PACSIN2: variants seen among roughly 807,000 people sequenced by gnomAD.
PACSIN2 encodes the protein protein kinase C and casein kinase substrate in neurons protein 2.
Under a neutral mutation model 63.8 loss-of-function variants are expected in PACSIN2, and 25 were observed. The observed-to-expected ratio is 0.39, with a 90% CI of 0.29 to 0.55. PACSIN2 has a LOEUF of 0.55. Ranked by LOEUF, PACSIN2 falls within the 20% of genes least tolerant of loss-of-function variation. The pLI is 0.62. For synonymous variants in PACSIN2, 255 were observed against 256.2 expected (o/e 1.00, Z 0.05); for missense variants, 518 against 646.9 (o/e 0.80, Z 2.16).
At chr22:42,918,935 T>C (rs1931984048) in intron 1 of PACSIN2, among the ~76,000 whole-genome samples, 1 of 152,316 alleles carries the variant, frequency 6.6e-6, no homozygotes, top group Non-Finnish European at 1.5e-5. Flanking sequence ...GAGAGGCTTC[T>C]GAGAGCGATT....
chr22:43,008,064 C>A (rs1411555009), intron 1 of PACSIN2, among the ~76,000 whole-genome samples: 1 of 152,396 alleles, frequency 6.6e-6, no homozygotes, highest in East Asian at 1.9e-4. Context: ...GGATTCTCCA[C>A]ACACACTCCA....
chr22:43,004,771 C>T (rs761695647), intron 1 of PACSIN2, among the ~76,000 whole-genome samples: 1 of 152,224 alleles, frequency 6.6e-6, no homozygotes, highest in Non-Finnish European at 1.5e-5. Context: ...TAAAGACCAC[C>T]CTGCAGGTCC....
chr22:42,897,034 T>C (rs925100382), intron 2 of PACSIN2, among the ~76,000 whole-genome samples: 4 of 152,128 alleles, frequency 2.6e-5, no homozygotes, highest in Non-Finnish European at 4.4e-5. Context: ...CCTCCCAGGC[T>C]CAAGTGATCC....
At chr22:42,922,411 AG>A (rs1367455976) in intron 1 of PACSIN2, among the ~76,000 whole-genome samples, 1 of 130,804 alleles carries the variant, frequency 7.6e-6, no homozygotes, top group East Asian at 2.0e-4. Context: ...GAACATTCTG[AG>A]TAAAAAGACC....
chr22:42,960,923 A>C (rs1934110106), intron 1 of PACSIN2, among the ~76,000 whole-genome samples: 1 of 152,248 alleles, frequency 6.6e-6, no homozygotes. Context: ...TATGGAAACC[A>C]ACCTGCAAAA....
At chr22:42,975,634 C>A (rs1247805216) in intron 1 of PACSIN2, among the ~76,000 whole-genome samples, 3 of 138,300 alleles carry the variant, frequency 2.2e-5, no homozygotes, top group African/African-American at 2.7e-5. Flanking sequence ...CTTTTTCTAA[C>A]CAGAGCCTTG....
At chr22:42,958,471 G>A (rs1206327055) in intron 1 of PACSIN2, among the ~76,000 whole-genome samples, 2 of 152,206 alleles carry the variant, frequency 1.3e-5, no homozygotes, top group African/African-American at 4.8e-5. Context: ...CTGTAAAAAT[G>A]CTTTGGTTTG....
chr22:42,978,024 G>A (rs1401978287), intron 1 of PACSIN2, among the ~76,000 whole-genome samples: 1 of 152,220 alleles, frequency 6.6e-6, no homozygotes, highest in African/African-American at 2.4e-5. Flanking sequence ...GCAATTCAGT[G>A]TGACATAACT....
intron 1 of PACSIN2, among the ~76,000 whole-genome samples, chr22:42,925,174 T>C (rs1932457340): frequency 6.6e-6 from 1 of 151,948 alleles, no homozygotes; most frequent in South Asian, 2.1e-4. Flanking sequence ...CTTGTCTGTC[T>C]GACCCTCTAG....
chr22:42,876,462 G>A, intron 9 of PACSIN2, 129 bp from the exon 10 acceptor site: 1 of 701,866 alleles, frequency 1.4e-6, no homozygotes, highest in East Asian at 2.6e-5. Flanking sequence ...AGGAGCACAG[G>A]TGGAGCCAGT....
intron 1 of PACSIN2, among the ~76,000 whole-genome samples, chr22:42,934,089 CAAAG>C (rs1932839637): frequency 1.3e-5 from 2 of 152,250 alleles, no homozygotes; most frequent in South Asian, 2.1e-4. Flanking sequence ...AAATGTGAGA[CAAAG>C]AGAGTAAAAA....
intron 1 of PACSIN2, among the ~76,000 whole-genome samples, chr22:43,014,321 T>TCCTCAG (rs1555951518): frequency 7.7e-6 from 1 of 130,554 alleles, no homozygotes; most frequent in Non-Finnish European, 1.7e-5. Context: ...CCCCCCGCCC[T>TCCTCAG]ACACACACAC....
In PACSIN2 at chr22:42,984,276, A is replaced by G. The variant is rs1922454776; in HGVS notation, c.-78+30745T>C. Among the ~76,000 whole-genome samples the G allele has an allele frequency of 2.0e-5, 3 of 151,094 alleles. No individual in the cohort carries two copies. In the South Asian group the frequency reaches 6.3e-4, roughly 31 times the overall value. ...TGTGAGCTACCACCCACTACCTAGC[A>G]CTTAGCACTTTTTAAATAAAATTCT... On this transcript the variant is annotated intron_variant, in intron 1 of 10. Coordinates refer to ENST00000263246, the MANE Select transcript of PACSIN2 (RefSeq NM_001184970.3).
rs543619616 is a variant in PACSIN2 at position 42,925,238 on chromosome 22, G to A, written c.-77-13081C>T. ...CTCACGTCTGTAATCCCAGCACTTT[G>A]GGCGGCCGAGGCTGGCGGATCACTT... On this transcript the variant is annotated intron_variant, in intron 1 of 10. Coordinates refer to ENST00000263246, the MANE Select transcript of PACSIN2 (RefSeq NM_001184970.3). Among the ~76,000 whole-genome samples, 173 of 152,094 alleles carry A rather than the reference G, an allele frequency of 1.1e-3. 1 individual carries two copies. The highest frequency in any genetic ancestry group is 3.8e-3 in the African/African-American group (158 of 41,498).
chr22:42,951,701 C>T (rs1933700295), intron 1 of PACSIN2, among the ~76,000 whole-genome samples: 1 of 152,212 alleles, frequency 6.6e-6, no homozygotes. Context: ...CCGCTTCACA[C>T]CACCTCTGTC....
At position 42,893,602 on chromosome 22, in the gene PACSIN2, G is replaced by A. The variant is rs779315958; in HGVS notation, c.72C>T (p.Tyr24=). ...CGTCGATCCGCTTCACAGTCCGCTT[G>A]TAGTTCCCGACCTAGGAGAGAGAAC... ...SSDSFWEVGN[Y]KRTVKRIDDG... The change falls in exon 3 of 11, where the codon TAC becomes TAT. Residue 24 remains tyrosine, a synonymous_variant. Coordinates refer to ENST00000263246, the MANE Select transcript of PACSIN2 (RefSeq NM_001184970.3). The A allele has an allele frequency of 1.2e-5, 19 of 1,613,942 alleles. No homozygotes were observed. The East Asian group carries it at 3.8e-4, about 32-fold the overall frequency.
At chr22:42,971,692 G>C (rs6002990) in intron 1 of PACSIN2, among the ~76,000 whole-genome samples, 91,285 of 151,412 alleles carry the variant, frequency 0.6, 28,013 homozygotes, top group East Asian at 0.78. Context: ...CCCCTCCGCC[G>C]GGCAGCCGCC....
intron 1 of PACSIN2, among the ~76,000 whole-genome samples, chr22:42,940,847 G>T (rs139776198): frequency 6.6e-6 from 1 of 152,334 alleles, no homozygotes; most frequent in East Asian, 1.9e-4. Context: ...GGCTGTGGGA[G>T]GGATGATGGG....
intron 1 of PACSIN2, among the ~76,000 whole-genome samples, chr22:42,976,279 A>G (rs1186301858): frequency 2.0e-5 from 3 of 152,202 alleles, no homozygotes; most frequent in Non-Finnish European, 2.9e-5. Flanking sequence ...TCCTCTTCCC[A>G]GCCCAACCCC....
Sources: allele counts gnomAD v4.1 joint callset (sites outside exome capture counted in the v4.1 genomes callset), GRCh38; gene constraint gnomAD v4.1.1; transcripts MANE v1.5; gene names NCBI Gene and HGNC (gene_info 2026-07-23, HGNC 2026-07-21).